Variants in GPR139 observed in about 807,000 individuals in gnomAD.
The protein encoded by GPR139 is probable G protein-coupled receptor 139.
GPR139 carries 12 observed loss-of-function variants against 25.8 expected under a neutral mutation model. That is an observed-to-expected ratio of 0.47 (90% CI 0.30 to 0.75). The LOEUF (loss-of-function observed/expected upper bound fraction) is 0.75. Among genes scored for constraint, GPR139 ranks in the 30% least tolerant of loss-of-function variants. The pLI is 0.07. For missense variants in GPR139, 380 were observed against 450.2 expected, an observed-to-expected ratio of 0.84 and a Z score of 1.41; for synonymous variants, 184 against 179.9, an observed-to-expected ratio of 1.02 and a Z score of -0.18.
At chr16:20,072,453 T>C (rs1416333763) in intron 1 of GPR139, among the ~76,000 whole-genome samples, 1 of 152,170 alleles carries the variant, frequency 6.6e-6, no homozygotes, top group Non-Finnish European at 1.5e-5. Flanking sequence ...TTTCAGGCTG[T>C]ACACTGGATT....
chr16:20,060,007 C>G (rs570335789), intron 1 of GPR139, among the ~76,000 whole-genome samples: 18 of 152,198 alleles, frequency 1.2e-4, no homozygotes, highest in Admixed American at 5.2e-4. Flanking sequence ...GTCCCTGATT[C>G]CTTTAAGGGA....
chr16:20,055,598 G>A (rs1208020444), intron 1 of GPR139, among the ~76,000 whole-genome samples: 1 of 152,230 alleles, frequency 6.6e-6, no homozygotes, highest in African/African-American at 2.4e-5. Context: ...TACCTGGTTT[G>A]TGGAGATGTA....
At chr16:20,071,689 T>C (rs1375926527) in intron 1 of GPR139, among the ~76,000 whole-genome samples, 1 of 152,164 alleles carries the variant, frequency 6.6e-6, no homozygotes, top group African/African-American at 2.4e-5. Context: ...CTAGCTGGCA[T>C]AGGAGTTGGG....
At chr16:20,035,407 G>GA (rs2057306493) in intron 1 of GPR139, among the ~76,000 whole-genome samples, 1 of 152,196 alleles carries the variant, frequency 6.6e-6, no homozygotes, top group Non-Finnish European at 1.5e-5. Context: ...CACTGCTTCA[G>GA]AAAAGAGACC....
At chr16:20,065,202 CAT>C (rs2057427293) in intron 1 of GPR139, among the ~76,000 whole-genome samples, 1 of 152,276 alleles carries the variant, frequency 6.6e-6, no homozygotes, top group African/African-American at 2.4e-5. Flanking sequence ...TGCTGGCTCA[CAT>C]AGTGTTTTTG....
At chr16:20,056,273 G>A (rs890304585) in intron 1 of GPR139, among the ~76,000 whole-genome samples, 1 of 152,214 alleles carries the variant, frequency 6.6e-6, no homozygotes, top group Non-Finnish European at 1.5e-5. Flanking sequence ...TCATACATCA[G>A]TCTTCACAGT....
intron 1 of GPR139, among the ~76,000 whole-genome samples, chr16:20,051,048 G>A (rs2057369799): frequency 8.8e-6 from 1 of 113,234 alleles, no homozygotes; most frequent in Non-Finnish European, 1.7e-5. Flanking sequence ...GGGCAACAGA[G>A]CAAGACCCTG....
Position 20,031,414 on chromosome 16 carries a change from G to A in GPR139, c.*321C>T, listed in dbSNP as rs2057287357. ...CCCAGTGACTGTGGATGGTACCAGG[G>A]CGAAATCACAGACTACTTCTCTACT... On this transcript the variant is annotated 3_prime_UTR_variant, in exon 2 of 2. Transcript: ENST00000570682. The A allele has an allele frequency of 3.0e-6, 1 of 334,686 alleles. No individual in the cohort carries two copies. Among genetic ancestry groups the A allele is most frequent in the Non-Finnish European group, 5.5e-6 (1 of 180,360 alleles). 20.7% of individuals were successfully genotyped at this position (334,686 alleles called of 1,614,324 possible). A position where few individuals can be genotyped will look rare whatever the true frequency, so the allele number is the denominator to read the frequency against.
At chr16:20,068,239 A>C (rs1042091532) in intron 1 of GPR139, among the ~76,000 whole-genome samples, 20 of 36,164 alleles carry the variant, frequency 5.5e-4, no homozygotes, top group African/African-American at 1.5e-3. Flanking sequence ...TTTAATGCAA[A>C]AAAAAAAAAA....
In GPR139 at chr16:20,054,687, T is replaced by TCTTC. The variant is rs199723951; in HGVS notation, c.127+18799_127+18802dup. ...TATTGTACAGATTTCCTTCCTTCCTTCTTCCTTCCTTCCTTCCTTCCTCCC... is the reference window on the plus strand; with the variant it reads ...TATTGTACAGATTTCCTTCCTTCCTTCTTCCTTCCTTCCTTCCTTCCTTCCTCCC... On this transcript the variant is annotated intron_variant, in intron 1 of 1. Coordinates refer to ENST00000570682, the MANE Select transcript of GPR139 (RefSeq NM_001002911.4). Among the ~76,000 whole-genome samples, 612 of 129,912 alleles carry TCTTC rather than the reference T, an allele frequency of 4.7e-3. 5 individuals are homozygous for TCTTC. The highest frequency in any genetic ancestry group is 0.014 in the African/African-American group (558 of 38,484). The allele number at this position is 129,912 out of a possible 152,430, so 85.2% of individuals were successfully genotyped here.
At position 20,073,482 on chromosome 16, in the gene GPR139, C is replaced by G. The variant is rs1362756259; in HGVS notation, c.127+8G>C. On this transcript the variant is annotated splice_region_variant and intron_variant, in intron 1 of 1. Coordinates refer to ENST00000570682, the MANE Select transcript of GPR139 (RefSeq NM_001002911.4). This position sits in a 1 kb window ranked among gnomAD's most constrained non-coding sequence, Gnocchi z 4.7. The stretch of plus-strand genomic sequence containing the variant: ...CTGGCTTCCCTCCCTCTCCCCCACG[C>G]CCCTCACCTGGTAAACCGAGGCACA... The G allele has an allele frequency of 6.2e-7, 1 of 1,611,128 alleles. No individual in the cohort carries two copies. Among genetic ancestry groups the G allele is most frequent in the Non-Finnish European group, 8.5e-7 (1 of 1,178,978 alleles).
chr16:20,065,670 C>T (rs576678476), intron 1 of GPR139, among the ~76,000 whole-genome samples: 8 of 152,118 alleles, frequency 5.3e-5, no homozygotes, highest in Non-Finnish European at 7.4e-5. Flanking sequence ...CAGGAGTTTG[C>T]GAACTGCCTG....
chr16:20,069,531 C>G (rs1436742588), intron 1 of GPR139, among the ~76,000 whole-genome samples: 5 of 152,200 alleles, frequency 3.3e-5, no homozygotes, highest in Admixed American at 3.3e-4. Context: ...AGGCTACAGA[C>G]TCATCATCTG....
chr16:20,048,498 G>A (rs1041028754), intron 1 of GPR139, among the ~76,000 whole-genome samples: 4 of 152,172 alleles, frequency 2.6e-5, no homozygotes, highest in East Asian at 1.9e-4. Flanking sequence ...CAATGGCACC[G>A]CGTTAGATTT....
Position 20,032,107 on chromosome 16 carries a change from C to G in GPR139, c.690G>C (p.Leu230Phe). The change falls in exon 2 of 2, where the codon TTG becomes TTC. Residue 230 changes from leucine to phenylalanine, a missense_variant. By Grantham distance (22) the Leu-to-Phe change is conservative. Transcript: ENST00000570682. ...GYSTGKTTAILFTITSIFATL... is the reference protein window; with the variant it reads ...GYSTGKTTAIFFTITSIFATL... ...TGGCAAAGATGGAGGTAATGGTGAACAAGATGGCGGTGGTCTTCCCCGTGG... is the reference window on the plus strand; with the variant it reads ...TGGCAAAGATGGAGGTAATGGTGAAGAAGATGGCGGTGGTCTTCCCCGTGG... The G allele has an allele frequency of 6.2e-7, 1 of 1,614,154 alleles. No homozygotes were observed. Among genetic ancestry groups the G allele is most frequent in the Non-Finnish European group, 8.5e-7 (1 of 1,180,014 alleles).
intron 1 of GPR139, among the ~76,000 whole-genome samples, chr16:20,044,627 T>C (rs1277473422): frequency 1.3e-5 from 2 of 152,148 alleles, no homozygotes; most frequent in Non-Finnish European, 2.9e-5. Flanking sequence ...CTAATAGCTA[T>C]TGAGTGCTTA....
chr16:20,068,236 C>CAAAA (rs10534277), intron 1 of GPR139, among the ~76,000 whole-genome samples: 164 of 108,422 alleles, frequency 1.5e-3, no homozygotes, highest in Middle Eastern at 5.7e-3. Flanking sequence ...CTATTTAATG[C>CAAAA]AAAAAAAAAA....
In GPR139 at chr16:20,030,525, GAATA is replaced by G. The variant is rs2057283924; in HGVS notation, c.*1206_*1209del. Among the ~76,000 whole-genome samples the G allele has an allele frequency of 6.6e-6, 1 of 152,208 alleles. No individual in the cohort carries two copies. The highest frequency in any genetic ancestry group is 2.1e-4 in the South Asian group (1 of 4,832). ...TTCTTGCCTTGGACAGGCAAGGGTA[GAATA>G]AATAAACACACTTATATTTTATCAT... On this transcript the variant is annotated 3_prime_UTR_variant, in exon 2 of 2. Transcript: ENST00000570682.
Position 20,073,363 on chromosome 16 carries a change from G to A in GPR139, c.127+127C>T, listed in dbSNP as rs963879535. Reference sequence around the variant, plus strand: ...CCCCCGTGTGGAAATATCCATAGTTGCCCTTAAAGCTTAAACTTTTTCCGA... The same window carrying A: ...CCCCCGTGTGGAAATATCCATAGTTACCCTTAAAGCTTAAACTTTTTCCGA... On this transcript the variant is annotated intron_variant, in intron 1 of 1. Transcript: ENST00000570682. This position sits in a 1 kb window ranked among gnomAD's most constrained non-coding sequence, Gnocchi z 4.7. 5 of 1,342,738 alleles carry A rather than the reference G, an allele frequency of 3.7e-6. No homozygotes were observed. In the African/African-American group the frequency reaches 4.4e-5, roughly 12 times the overall value. The allele number at this position is 1,342,738 out of a possible 1,614,324, so 83.2% of individuals were successfully genotyped here. A position where few individuals can be genotyped will look rare whatever the true frequency, so the allele number is the denominator to read the frequency against.
Sources: allele counts gnomAD v4.1 joint callset (sites outside exome capture counted in the v4.1 genomes callset), GRCh38; gene constraint gnomAD v4.1.1; non-coding constraint Gnocchi (gnomAD v3.1); transcripts MANE v1.5; gene names NCBI Gene and HGNC (gene_info 2026-07-23, HGNC 2026-07-21).